Variants in PHIP observed in about 807,000 individuals in gnomAD.
The protein encoded by PHIP is PHIP subunit of CUL4-Ring ligase complex.
Under a neutral mutation model 236.8 loss-of-function variants are expected in PHIP, and 54 were observed. The observed-to-expected ratio is 0.23, with a 90% confidence interval of 0.18 to 0.29. The LOEUF (loss-of-function observed/expected upper bound fraction) is 0.29. Ranked by LOEUF, PHIP falls within the 10% of genes least tolerant of loss-of-function variation. The pLI is 1.00. For missense variants in PHIP, 1,370 were observed against 2,190.8 expected (o/e 0.63, Z 7.48); for synonymous variants, 756 against 718.9 (o/e 1.05, Z -0.83).
In PHIP at chr6:79,075,645, C is replaced by A. The variant is rs572068571; in HGVS notation, c.189+1803G>T. 5.6e-4 allele frequency among the ~76,000 whole-genome samples: 66 copies of A among 118,228 alleles called. 1 individual carries two copies. In the South Asian group the frequency reaches 7.6e-3, roughly 14 times the overall value. 77.6% of individuals were successfully genotyped at this position (118,228 alleles called of 152,430 possible). A position where few individuals can be genotyped will look rare whatever the true frequency, so the allele number is the denominator to read the frequency against. On this transcript the variant is annotated intron_variant, in intron 4 of 39. Coordinates refer to ENST00000275034, the MANE Select transcript of PHIP (RefSeq NM_017934.7). ...AGCTCATTTTTACTGAAAAAAAAAA[C>A]AAAAAAACAAAATGATATTCCTACG... is the stretch of plus-strand genomic sequence containing the variant.
chr6:78,945,345 G>A lies in PHIP; in HGVS notation c.4783C>T (p.Pro1595Ser), dbSNP rs374117949. The A allele has an allele frequency of 3.7e-6, 6 of 1,613,672 alleles. No homozygotes were observed. Among genetic ancestry groups the A allele is most frequent in the Non-Finnish European group, 5.1e-6 (6 of 1,179,708 alleles). ...VKRKMKSSVL[P>S]KASTLSKSSA... ...GACTTTGAAAGAGTGGACGCCTTTG[G>A]GAGTACAGATGACTTCATTTTACGT... The change falls in exon 39 of 40, where the codon CCA (proline) becomes TCA (serine). Residue 1595 changes from proline to serine, a missense_variant. This residue lies in a region of PHIP where 309 missense variants were observed against 328.3 expected (regional missense o/e 0.94). Transcript: ENST00000275034.
chr6:79,039,826 AC>A (rs1237990515), intron 7 of PHIP, among the ~76,000 whole-genome samples: 3 of 152,114 alleles, frequency 2.0e-5, no homozygotes, highest in Non-Finnish European at 4.4e-5. Flanking sequence ...CAAGTAAAAA[AC>A]ATTAAAAGGC....
Position 78,955,695 on chromosome 6 carries a change from G to T in PHIP, c.3783-13C>A. On this transcript the variant is annotated splice_polypyrimidine_tract_variant and intron_variant, in intron 32 of 39. Transcript: ENST00000275034. ...ACAAGTCTGATCCCTACATAACAAGGAAATGTTAACATGTAAGATTAGAAC... is the reference window on the plus strand; with the variant it reads ...ACAAGTCTGATCCCTACATAACAAGTAAATGTTAACATGTAAGATTAGAAC... 1 of 856,344 alleles carries T rather than the reference G, an allele frequency of 1.2e-6. No individual in the cohort carries two copies. Among genetic ancestry groups the T allele is most frequent in the Non-Finnish European group, 1.9e-6 (1 of 537,138 alleles). The allele number at this position is 856,344 out of a possible 1,614,324, so 53.0% of individuals were successfully genotyped here. A position where few individuals can be genotyped will look rare whatever the true frequency, so the allele number is the denominator to read the frequency against.
In PHIP at chr6:78,974,016, C is replaced by A. The variant is rs535095009; in HGVS notation, c.2890-3128G>T. Among the ~76,000 whole-genome samples the A allele has an allele frequency of 1.3e-4, 20 of 152,192 alleles. 1 individual carries two copies. In the South Asian group the frequency reaches 4.2e-3, roughly 32 times the overall value. On this transcript the variant is annotated intron_variant, in intron 24 of 39. Coordinates refer to ENST00000275034, the MANE Select transcript of PHIP (RefSeq NM_017934.7). ...CCCAGGAATTGAACTCAGCTCTGCA[C>A]CAAGCAGACCTAATAGACTTCTGCA...
At chr6:79,044,725 T>C (rs1000609554) in intron 6 of PHIP, among the ~76,000 whole-genome samples, 5 of 152,256 alleles carry the variant, frequency 3.3e-5, no homozygotes, top group African/African-American at 1.2e-4. Context: ...AAAATATCAT[T>C]GTTGGAAATA....
chr6:79,029,562 C>T (rs980170767), intron 7 of PHIP, among the ~76,000 whole-genome samples: 1 of 152,124 alleles, frequency 6.6e-6, no homozygotes, highest in Non-Finnish European at 1.5e-5. Context: ...GACAGTCTTG[C>T]TCTGTTACCC....
At chr6:79,030,112 G>A (rs1221677977) in intron 7 of PHIP, among the ~76,000 whole-genome samples, 1 of 152,262 alleles carries the variant, frequency 6.6e-6, no homozygotes, top group Admixed American at 6.5e-5. Context: ...GAAAGAAAAG[G>A]AAGTAGGGAG....
At chr6:78,991,044 A>T in intron 19 of PHIP, 59 bp from the exon 20 acceptor site, 1 of 971,298 alleles carries the variant, frequency 1.0e-6, no homozygotes, top group Non-Finnish European at 1.6e-6. Context: ...TTCCTCCAAA[A>T]GGAATGTTAG....
chr6:79,068,893 A>T (rs1040822927), intron 4 of PHIP, among the ~76,000 whole-genome samples: 3 of 152,100 alleles, frequency 2.0e-5, no homozygotes, highest in Non-Finnish European at 4.4e-5. Flanking sequence ...TGAAAATAAG[A>T]CCCTGCTGTT....
intron 21 of PHIP, 122 bp downstream of exon 21, chr6:78,988,087 G>T: frequency 1.8e-6 from 1 of 565,798 alleles, no homozygotes; most frequent in Non-Finnish European, 2.8e-6. Flanking sequence ...TGTATCATAA[G>T]ACCCCAAAAT....
intron 27 of PHIP, among the ~76,000 whole-genome samples, chr6:78,967,938 T>C (rs1767251114): frequency 1.3e-5 from 2 of 151,662 alleles, no homozygotes; most frequent in African/African-American, 2.4e-5. Flanking sequence ...ATCAAGACCA[T>C]CCTGGCTAAC....
intron 11 of PHIP, 42 bp from the exon 12 acceptor site, chr6:79,017,428 A>T: frequency 1.3e-6 from 2 of 1,582,138 alleles, no homozygotes; most frequent in Non-Finnish European, 1.7e-6. Flanking sequence ...TGCTGAATAT[A>T]AACTCTTGGA....
Position 78,978,915 on chromosome 6 carries a change from A to C in PHIP, c.2770-204T>G, listed in dbSNP as rs190925551. On this transcript the variant is annotated intron_variant, in intron 23 of 39. Transcript: ENST00000275034. ...TTGACTGAAAATATTTGGAAAAAAAATTCCACAAAGTTCCAACAGGCAAAA... is the reference window on the plus strand; with the variant it reads ...TTGACTGAAAATATTTGGAAAAAAACTTCCACAAAGTTCCAACAGGCAAAA... Among the ~76,000 whole-genome samples, 635 of 152,244 alleles carry C rather than the reference A, an allele frequency of 4.2e-3. 2 individuals carry two copies. The highest frequency in any genetic ancestry group is 0.01 in the Middle Eastern group (3 of 294).
rs1562171209 is a variant in PHIP, at chr6:79,003,821, T to C, written c.1562A>G (p.Lys521Arg). The C allele has an allele frequency of 1.9e-6, 3 of 1,609,982 alleles. No homozygotes were observed. The highest frequency in any genetic ancestry group is 1.7e-6 in the Non-Finnish European group (2 of 1,177,470). Residue 521 changes from lysine to arginine, a missense_variant, in exon 16 of 40, where the codon AAA (lysine) becomes AGA (arginine). Lys to Arg is a conservative substitution (Grantham distance 26). Around this residue, in one of 14 missense-constraint regions of PHIP, gnomAD observed 188 missense variants for 354.3 expected, o/e 0.53. Coordinates refer to ENST00000275034, the MANE Select transcript of PHIP (RefSeq NM_017934.7). ...GQGHGAVFDC[K>R]CSPDGQHFAC... ...AAAATGCTGACCATCAGGAGAGCAT[T>C]TGCAGTCAAATACTGCGCCATGTCC...
At chr6:78,961,333 T>C (rs1328081940) in intron 31 of PHIP, among the ~76,000 whole-genome samples, 1 of 151,872 alleles carries the variant, frequency 6.6e-6, no homozygotes, top group Non-Finnish European at 1.5e-5. Context: ...AATGAACAAA[T>C]ATTTTAATGT....
chr6:79,013,571 TA>T (rs1770694380), intron 15 of PHIP, among the ~76,000 whole-genome samples: 1 of 151,756 alleles, frequency 6.6e-6, no homozygotes, highest in Non-Finnish European at 1.5e-5. Flanking sequence ...TACTCCTGGT[TA>T]CATTACTAAT....
At position 78,983,073 on chromosome 6, in the gene PHIP, A is replaced by G; in HGVS notation, c.2582T>C (p.Ile861Thr). The change falls in exon 23 of 40, where the codon ATT becomes ACT. Residue 861 changes from isoleucine to threonine, a missense_variant. Around this residue, in one of 14 missense-constraint regions of PHIP, gnomAD observed 76 missense variants for 76.4 expected, o/e 0.99. Coordinates refer to ENST00000275034, the MANE Select transcript of PHIP (RefSeq NM_017934.7). ...AACTTTCTTTGGTGGCTGCAGATTA[A>G]TTCCTGCATCTGCTGTCCAGTCAGA... ...DYSDWTADAGINLQPPKKVPK... is the reference protein window; with the variant it reads ...DYSDWTADAGTNLQPPKKVPK... 6.2e-7 allele frequency: 1 copy of G among 1,611,518 alleles called. No homozygotes were observed. Among genetic ancestry groups the G allele is most frequent in the Non-Finnish European group, 8.5e-7 (1 of 1,178,926 alleles).
In PHIP at chr6:78,961,805, C is replaced by T; in HGVS notation, c.3541G>A (p.Ala1181Thr). 6.2e-7 allele frequency: 1 copy of T among 1,606,586 alleles called. No homozygotes were observed. Among genetic ancestry groups the T allele is most frequent in the South Asian group, 1.1e-5 (1 of 90,002 alleles). The change falls in exon 31 of 40, where the codon GCC becomes ACC. Residue 1181 changes from alanine to threonine, a missense_variant. Transcript: ENST00000275034. ...TCCACGGGGGCCACAAATGCTGAGG[C>T]AATATCTAAAATAAATAGATAAGTT... Reference protein sequence around the residue: ...GINQLMTLDIASAFVAPVDLQ... With the variant: ...GINQLMTLDITSAFVAPVDLQ...
chr6:78,934,951 TA>T lies in PHIP; in HGVS notation c.*5741del, dbSNP rs1773214131. ...TTCCCAAAGACTAATCAGTAAGTGG[TA>T]AATGTGTTAAATTTACCACACATTG... is the stretch of plus-strand genomic sequence containing the variant. On this transcript the variant is annotated 3_prime_UTR_variant, in exon 40 of 40. Coordinates refer to ENST00000275034, the MANE Select transcript of PHIP (RefSeq NM_017934.7). 6.6e-6 allele frequency among the ~76,000 whole-genome samples: 1 copy of T among 152,214 alleles called. No individual in the cohort carries two copies. The highest frequency in any genetic ancestry group is 2.4e-5 in the African/African-American group (1 of 41,452).
Sources: gnomAD v4.1 joint callset for allele counts (sites outside exome capture counted in the v4.1 genomes callset) on GRCh38, gnomAD v4.1.1 for gene constraint, gnomAD v4.1.1 regional missense constraint, MANE v1.5 for transcripts, NCBI Gene and HGNC (gene_info 2026-07-23, HGNC 2026-07-21) for gene names.